Variants in PCDHGA9 observed in about 807,000 individuals in gnomAD.
PCDHGA9 encodes the protein protocadherin gamma-A9.
PCDHGA9 carries 37 observed loss-of-function variants against 62.5 expected under a neutral mutation model. The ratio of observed to expected loss-of-function variants is 0.59; its 90% CI spans 0.46 to 0.78. The LOEUF is 0.78. PCDHGA9 is among the 30% of genes least tolerant of loss of function. PCDHGA9 has a pLI of 0.00. For missense variants in PCDHGA9, 1,138 were observed against 1,166.2 expected, an observed-to-expected ratio of 0.98 and a Z score of 0.35; for synonymous variants, 459 against 484.6, an observed-to-expected ratio of 0.95 and a Z score of 0.69.
intron 1 of PCDHGA9, chr5:141,414,449 C>T (rs1223779483): frequency 6.2e-7 from 1 of 1,613,730 alleles, no homozygotes; most frequent in Non-Finnish European, 8.5e-7. Context: ...TACAATATCA[C>T]AGTGACAGCC....
intron 1 of PCDHGA9, chr5:141,413,776 G>A: frequency 6.2e-7 from 1 of 1,613,188 alleles, no homozygotes; most frequent in Non-Finnish European, 8.5e-7. Context: ...GCTGGTACTG[G>A]AGCACTCCCT....
chr5:141,489,864 T>G lies in PCDHGA9; in HGVS notation c.2425-4943T>G, dbSNP rs1274301673. ...TGGATCGTGAAGCCCAGGCAAGACA[T>G]CAGCTGGTGCTTACTGCTGTGGATG... On this transcript the variant is annotated intron_variant, in intron 1 of 3. Coordinates refer to ENST00000573521, the MANE Select transcript of PCDHGA9 (RefSeq NM_018921.3). This position sits in a 1 kb window ranked among gnomAD's most constrained non-coding sequence, Gnocchi z 4.5. 5 of 1,614,064 alleles carry G rather than the reference T, an allele frequency of 3.1e-6. No individual in the cohort carries two copies. The highest frequency in any genetic ancestry group is 3.4e-6 in the Non-Finnish European group (4 of 1,180,022).
intron 1 of PCDHGA9, chr5:141,478,463 G>A: frequency 6.2e-7 from 1 of 1,613,424 alleles, no homozygotes; most frequent in South Asian, 1.1e-5. Context: ...CAGTCCACTG[G>A]CCAGCCGCCA....
At chr5:141,447,214 A>G (rs2098530358) in intron 1 of PCDHGA9, among the ~76,000 whole-genome samples, 1 of 152,092 alleles carries the variant, frequency 6.6e-6, no homozygotes, top group Admixed American at 6.6e-5. Context: ...ATCTCGGCTC[A>G]CTGCAACCTC....
intron 2 of PCDHGA9, among the ~76,000 whole-genome samples, chr5:141,503,448 C>T (rs765046868): frequency 2.0e-5 from 3 of 151,808 alleles, no homozygotes; most frequent in South Asian, 2.1e-4. Context: ...TACAAAAATT[C>T]GCTGGGCATG....
At chr5:141,411,556 C>A (rs2095498108) in intron 1 of PCDHGA9, 1 of 152,200 alleles carries the variant, frequency 6.6e-6, no homozygotes, top group Non-Finnish European at 1.5e-5. Context: ...TGCACTCCAG[C>A]CTGGGCGACA....
At position 141,431,017 on chromosome 5, in the gene PCDHGA9, G is replaced by A. The variant is rs768036730; in HGVS notation, c.2424+25641G>A. 2.5e-6 allele frequency: 4 copies of A among 1,613,768 alleles called. No homozygotes were observed. Among genetic ancestry groups the A allele is most frequent in the South Asian group, 1.1e-5 (1 of 91,084 alleles). ...ATCCGCGCAGCGGCAGCTTGGTCAC[G>A]GCGGGCAGGATAGACCGGGAGGAGC... On this transcript the variant is annotated intron_variant, in intron 1 of 3. Transcript: ENST00000573521. This position sits in a 1 kb window ranked among gnomAD's most constrained non-coding sequence, Gnocchi z 4.8.
intron 1 of PCDHGA9, chr5:141,424,160 CATCT>C (rs1554117117): frequency 1.5e-5 from 4 of 273,202 alleles, no homozygotes; most frequent in South Asian, 1.4e-4. Flanking sequence ...CTCTCCTTCT[CATCT>C]ATCTATCTAT....
chr5:141,421,557 C>T (rs764010392), intron 1 of PCDHGA9: 1 of 1,613,932 alleles, frequency 6.2e-7, no homozygotes, highest in South Asian at 1.1e-5. Context: ...TGGAACTTCT[C>T]GTGGAAGACA....
intron 1 of PCDHGA9, among the ~76,000 whole-genome samples, chr5:141,484,627 A>G (rs866882607): frequency 5.3e-5 from 8 of 152,162 alleles, no homozygotes; most frequent in Middle Eastern, 3.4e-3. Flanking sequence ...TGGCTTGAAC[A>G]AAGTGACCAC....
At chr5:141,508,824 G>T (rs893436748) in intron 3 of PCDHGA9, among the ~76,000 whole-genome samples, 1 of 151,952 alleles carries the variant, frequency 6.6e-6, no homozygotes, top group Non-Finnish European at 1.5e-5. Context: ...CCAGATCTGG[G>T]CCCCCCTCCC....
At chr5:141,423,659 A>G in intron 1 of PCDHGA9, 2 of 1,551,038 alleles carry the variant, frequency 1.3e-6, no homozygotes, top group Non-Finnish European at 1.7e-6. Flanking sequence ...ACAAGTAATC[A>G]GGTGAGATTT....
chr5:141,498,971 G>GGGAAGGAAGGAAGGAAGGAA (rs201769957), intron 2 of PCDHGA9, among the ~76,000 whole-genome samples: 36 of 111,052 alleles, frequency 3.2e-4, no homozygotes, highest in African/African-American at 9.0e-4. Context: ...GAGGGAGGGA[G>GGGAAGGAAGGAAGGAAGGAA]GGAAGGAAGG....
In PCDHGA9 at chr5:141,403,066, G is replaced by A; in HGVS notation, c.114G>A (p.Glu38=). The A allele has an allele frequency of 6.2e-7, 1 of 1,614,076 alleles. No individual in the cohort carries two copies. Among genetic ancestry groups the A allele is most frequent in the East Asian group, 2.2e-5 (1 of 44,878 alleles). ...ASQIRYSVPE[E]TEKGYIVGNI... Reference sequence around the variant, plus strand: ...AGATTCGCTACTCAGTGCCTGAAGAGACAGAAAAGGGCTATATTGTGGGCA... The same window carrying A: ...AGATTCGCTACTCAGTGCCTGAAGAAACAGAAAAGGGCTATATTGTGGGCA... The change falls in exon 1 of 4, where the codon GAG becomes GAA. Residue 38 remains glutamate, a synonymous_variant. Transcript: ENST00000573521.
In PCDHGA9 at chr5:141,493,521, G is replaced by A. The variant is rs967636266; in HGVS notation, c.2425-1286G>A. Among the ~76,000 whole-genome samples the A allele has an allele frequency of 3.9e-5, 6 of 152,242 alleles. No homozygotes were observed. In the East Asian group the frequency reaches 7.7e-4, roughly 20 times the overall value. The stretch of plus-strand genomic sequence containing the variant: ...CTCATTTCTGAGCAGTCCCCGCAGC[G>A]CAAACTTGGCCAGTTATCCTTTTGG... On this transcript the variant is annotated intron_variant, in intron 1 of 3. Coordinates refer to ENST00000573521, the MANE Select transcript of PCDHGA9 (RefSeq NM_018921.3). This position sits in a 1 kb window ranked among gnomAD's most constrained non-coding sequence, Gnocchi z 4.3.
chr5:141,418,527 G>A, intron 1 of PCDHGA9: 2 of 1,614,018 alleles, frequency 1.2e-6, no homozygotes, highest in South Asian at 1.1e-5. Flanking sequence ...CCTCCCCGAA[G>A]CGGTACTGCT....
Position 141,489,601 on chromosome 5 carries a change from G to A in PCDHGA9, c.2425-5206G>A. On this transcript the variant is annotated intron_variant, in intron 1 of 3. Transcript: ENST00000573521. This position sits in a 1 kb window ranked among gnomAD's most constrained non-coding sequence, Gnocchi z 4.5. ...CCCCCTGGAGCTAATCCGTGTAGAG[G>A]TAGAGATCCTGGATCTCAATGACAA... 2 of 1,614,042 alleles carry A rather than the reference G, an allele frequency of 1.2e-6. No individual in the cohort carries two copies. Among genetic ancestry groups the A allele is most frequent in the East Asian group, 4.5e-5 (2 of 44,882 alleles).
rs1001912556 is a variant in PCDHGA9, at chr5:141,493,404, CTCTGCTGGGATTTTGCT to C, written c.2425-1391_2425-1375del. Among the ~76,000 whole-genome samples, 10 of 152,266 alleles carry C rather than the reference CTCTGCTGGGATTTTGCT, an allele frequency of 6.6e-5. No individual in the cohort carries two copies. Among genetic ancestry groups the C allele is most frequent in the Admixed American group, 6.5e-4 (10 of 15,298 alleles). On this transcript the variant is annotated intron_variant, in intron 1 of 3. Coordinates refer to ENST00000573521, the MANE Select transcript of PCDHGA9 (RefSeq NM_018921.3). The surrounding 1 kb of genome is among the most constrained non-coding windows in gnomAD (Gnocchi z 4.3). ...CTTGAGGACAGGAGAGGGGAGTTGCCTCTGCTGGGATTTTGCTTCTGCTGGGATGGGGCAAGGGTGGG... is the reference window on the plus strand; with the variant it reads ...CTTGAGGACAGGAGAGGGGAGTTGCCTCTGCTGGGATGGGGCAAGGGTGGG...
At chr5:141,427,400 A>T in intron 1 of PCDHGA9, 1 of 461,200 alleles carries the variant, frequency 2.2e-6, no homozygotes, top group Non-Finnish European at 4.3e-6. Context: ...CACATGATAA[A>T]GATTCGAGAG....
Sources: gnomAD v4.1 joint callset for allele counts (sites outside exome capture counted in the v4.1 genomes callset) on GRCh38, gnomAD v4.1.1 for gene constraint, Gnocchi (gnomAD v3.1) non-coding constraint, MANE v1.5 for transcripts, NCBI Gene and HGNC (gene_info 2026-07-23, HGNC 2026-07-21) for gene names.